The following NCMAP variants were observed in gnomAD, a reference collection of about 807,000 sequenced individuals.
NCMAP encodes noncompact myelin-associated protein.
In NCMAP, 8 loss-of-function variants were observed where a neutral mutation model predicts 7.8. The observed-to-expected ratio is 1.02, with a 90% CI of 0.60 to 1.84. The LOEUF (loss-of-function observed/expected upper bound fraction) is 1.84, where lower values mean the gene tolerates loss of function less well. Among genes scored for constraint, NCMAP ranks in the 40% most tolerant of loss-of-function variants. The pLI is 0.00. For synonymous variants in NCMAP, 41 were observed against 52.9 expected, an observed-to-expected ratio of 0.78 and a Z score of 0.98; for missense variants, 112 against 131.4, an observed-to-expected ratio of 0.85 and a Z score of 0.72.
At chr1:24,557,348 A>C (rs931402047) in intron 1 of NCMAP, among the ~76,000 whole-genome samples, 1 of 152,198 alleles carries the variant, frequency 6.6e-6, no homozygotes, top group Non-Finnish European at 1.5e-5. Context: ...AGCCAAGAGC[A>C]ACAGATTATA....
At chr1:24,600,288 C>A (rs993989655) in intron 2 of NCMAP, among the ~76,000 whole-genome samples, 3 of 151,798 alleles carry the variant, frequency 2.0e-5, no homozygotes, top group African/African-American at 7.3e-5. Flanking sequence ...GTAGCTGGCA[C>A]TACAGGTGCA....
At chr1:24,593,223 C>T (rs1204982220) in intron 1 of NCMAP, among the ~76,000 whole-genome samples, 1 of 151,578 alleles carries the variant, frequency 6.6e-6, no homozygotes, top group Non-Finnish European at 1.5e-5. Flanking sequence ...GGGGATCATG[C>T]TTGTAATCCC....
At chr1:24,564,392 T>C (rs12406505) in intron 1 of NCMAP, among the ~76,000 whole-genome samples, 73,022 of 150,796 alleles carry the variant, frequency 0.48, 19,446 homozygotes, top group African/African-American at 0.7. Context: ...CGCCTGTAAT[T>C]CCAGCTACTC....
chr1:24,583,898 T>C (rs1651807517), intron 1 of NCMAP, among the ~76,000 whole-genome samples: 1 of 152,088 alleles, frequency 6.6e-6, no homozygotes, highest in Non-Finnish European at 1.5e-5. Flanking sequence ...CTGTTAGATT[T>C]TGGGCAAGTC....
intron 1 of NCMAP, among the ~76,000 whole-genome samples, chr1:24,569,877 G>C (rs775768958): frequency 6.6e-6 from 1 of 150,508 alleles, no homozygotes; most frequent in African/African-American, 2.5e-5. Flanking sequence ...AGATTCTTTG[G>C]GGTCACGTCC....
intron 1 of NCMAP, among the ~76,000 whole-genome samples, chr1:24,570,581 G>A (rs1170560766): frequency 1.3e-5 from 2 of 150,912 alleles, no homozygotes; most frequent in African/African-American, 2.5e-5. Context: ...TATATTCCTG[G>A]GATTCAGATC....
chr1:24,560,160 C>CAAAAAAAAAAAA (rs67052970), intron 1 of NCMAP, among the ~76,000 whole-genome samples: 1 of 89,570 alleles, frequency 1.1e-5, no homozygotes, highest in African/African-American at 4.2e-5. Context: ...GACTCCATCT[C>CAAAAAAAAAAAA]AAAAAAAAAA....
chr1:24,574,408 C>T (rs1319077037), intron 1 of NCMAP, among the ~76,000 whole-genome samples: 1 of 152,052 alleles, frequency 6.6e-6, no homozygotes, highest in Non-Finnish European at 1.5e-5. Flanking sequence ...CATGAGCCAC[C>T]GCGCCCGGCC....
chr1:24,564,038 GAATC>G (rs1373132477), intron 1 of NCMAP: 3 of 152,114 alleles, frequency 2.0e-5, no homozygotes, highest in Admixed American at 1.3e-4. Flanking sequence ...TCATAAGAGA[GAATC>G]AAGCCAAAAC....
intron 2 of NCMAP, among the ~76,000 whole-genome samples, 191 bp from the exon 3 acceptor site, chr1:24,600,749 C>T (rs1281897336): frequency 1.3e-5 from 2 of 152,158 alleles, no homozygotes; most frequent in African/African-American, 4.8e-5. Flanking sequence ...GTCCTTCAAG[C>T]GCAGCTCGGG....
intron 3 of NCMAP, among the ~76,000 whole-genome samples, chr1:24,604,910 T>G (rs1177161564): frequency 1.3e-5 from 2 of 150,118 alleles, no homozygotes; most frequent in Non-Finnish European, 3.0e-5. Context: ...AGGTCAGGAG[T>G]TCGAGACCAG....
intron 1 of NCMAP, among the ~76,000 whole-genome samples, chr1:24,575,420 T>G (rs1651525965): frequency 6.6e-6 from 1 of 152,066 alleles, no homozygotes; most frequent in South Asian, 2.1e-4. Context: ...TTGGGCAGGG[T>G]GCTTTCTGTC....
rs112157881 is a variant in NCMAP at position 24,569,026 on chromosome 1, G to GTT, written c.-8+12865_-8+12866dup. ...TAATATATTTGTTTTGTTTTGTTTTGTTTTTTTTTGGAGACTTGCTCTGTC... is the reference window on the plus strand; with the variant it reads ...TAATATATTTGTTTTGTTTTGTTTTGTTTTTTTTTTTGGAGACTTGCTCTGTC... On this transcript the variant is annotated intron_variant, in intron 1 of 3. Coordinates refer to ENST00000374392, the MANE Select transcript of NCMAP (RefSeq NM_001010980.5). Among the ~76,000 whole-genome samples, 188 of 150,566 alleles carry GTT rather than the reference G, an allele frequency of 1.2e-3. 1 individual carries two copies. The highest frequency in any genetic ancestry group is 6.9e-3 in the Middle Eastern group (2 of 290).
At chr1:24,559,616 C>T (rs1650992015) in intron 1 of NCMAP, among the ~76,000 whole-genome samples, 2 of 152,208 alleles carry the variant, frequency 1.3e-5, no homozygotes, top group African/African-American at 4.8e-5. Context: ...GAGGCCTGTT[C>T]TCTAGCTGGG....
chr1:24,575,214 TA>T (rs1553155777), intron 1 of NCMAP, among the ~76,000 whole-genome samples: 2 of 151,814 alleles, frequency 1.3e-5, no homozygotes, highest in Non-Finnish European at 2.9e-5. Context: ...TTGTCTCAGA[TA>T]AAAAAAGATG....
In NCMAP at chr1:24,595,421, C is replaced by T. The variant is rs758412963; in HGVS notation, c.-7-3C>T. 1.9e-6 allele frequency: 3 copies of T among 1,598,806 alleles called. No individual in the cohort carries two copies. The South Asian group carries it at 3.3e-5, about 18-fold the overall frequency. Reference sequence around the variant, plus strand: ...AACAAAATATCTTCTTCTTTCTCATCAGGATCGAGATGACCACAGCCACCC... The same window carrying T: ...AACAAAATATCTTCTTCTTTCTCATTAGGATCGAGATGACCACAGCCACCC... On this transcript the variant is annotated splice_polypyrimidine_tract_variant and splice_region_variant and intron_variant, in intron 1 of 3. Transcript: ENST00000374392.
intron 1 of NCMAP, among the ~76,000 whole-genome samples, chr1:24,565,078 G>A (rs969656389): frequency 6.6e-5 from 10 of 151,756 alleles, no homozygotes; most frequent in African/African-American, 2.4e-4. Context: ...ACTGTGGGAA[G>A]TCAGGCTTCA....
rs11808700 is a variant in NCMAP, at chr1:24,576,295, A to G, written c.-7-19129A>G. ...AAGAAAAGACAGGCGGCAGGCCAAG[A>G]CGAGAGTGTAGGTTTAAATGACACC... On this transcript the variant is annotated intron_variant, in intron 1 of 3. Coordinates refer to ENST00000374392, the MANE Select transcript of NCMAP (RefSeq NM_001010980.5). This position sits in a 1 kb window ranked among gnomAD's most constrained non-coding sequence, Gnocchi z 4.0. 0.15 allele frequency among the ~76,000 whole-genome samples: 22,889 copies of G among 152,148 alleles called. 2,577 individuals are homozygous for G. Among genetic ancestry groups the G allele is most frequent in the African/African-American group, 0.32 (13,299 of 41,482 alleles).
rs1652745570 is a variant in NCMAP, at chr1:24,606,764, A to G, written c.*1017A>G. On this transcript the variant is annotated 3_prime_UTR_variant, in exon 4 of 4. Coordinates refer to ENST00000374392, the MANE Select transcript of NCMAP (RefSeq NM_001010980.5). ...CTACCAAGAAGAGAAAGTATCTGGA[A>G]TTAAGAAGTCCTACCATCCAAGCCC... The G allele has an allele frequency of 6.6e-6, 1 of 152,200 alleles. No homozygotes were observed. The highest frequency in any genetic ancestry group is 2.4e-5 in the African/African-American group (1 of 41,458). The allele number at this position is 152,200 out of a possible 1,614,324, so 9.4% of individuals were successfully genotyped here.
Sources: gnomAD v4.1 joint callset for allele counts (sites outside exome capture counted in the v4.1 genomes callset) on GRCh38, gnomAD v4.1.1 for gene constraint, Gnocchi (gnomAD v3.1) non-coding constraint, MANE v1.5 for transcripts, NCBI Gene and HGNC (gene_info 2026-07-23, HGNC 2026-07-21) for gene names.